CALD1: variants seen among roughly 807,000 people sequenced by gnomAD.
The protein encoded by CALD1 is caldesmon.
A neutral mutation model predicts 99.9 loss-of-function variants in CALD1; 33 were observed. The observed-to-expected ratio is 0.33, with a 90% CI of 0.25 to 0.44. The LOEUF (loss-of-function observed/expected upper bound fraction) is 0.44, where lower values mean the gene tolerates loss of function less well. CALD1 is among the 20% of genes least tolerant of loss of function. The pLI is 1.00. For missense variants in CALD1, 861 were observed against 962.1 expected (o/e 0.89, Z 1.39); for synonymous variants, 310 against 325.0 (o/e 0.95, Z 0.50).
chr7:134,895,327 T>A (rs1274161326), intron 3 of CALD1, among the ~76,000 whole-genome samples: 1 of 151,552 alleles, frequency 6.6e-6, no homozygotes, highest in African/African-American at 2.4e-5. Flanking sequence ...TGTGTGTGTG[T>A]GTGTGTGTGT....
chr7:134,788,348 T>C (rs1563001996), intron 1 of CALD1, among the ~76,000 whole-genome samples: 2 of 152,166 alleles, frequency 1.3e-5, no homozygotes, highest in Admixed American at 6.5e-5. Context: ...GAACTTGAAA[T>C]TGACCATGAT....
Position 134,934,080 on chromosome 7 carries a change from AC to A in CALD1, c.1308+4del, listed in dbSNP as rs1405291256. 6.3e-7 allele frequency: 1 copy of A among 1,599,600 alleles called. No individual in the cohort carries two copies. The highest frequency in any genetic ancestry group is 1.4e-5 in the African/African-American group (1 of 73,650). ...AGACAGCTGTCCTAAAGAAACAGGTACAGTAAACATTTTGCACCAAATGTGT... is the reference window on the plus strand; with the variant it reads ...AGACAGCTGTCCTAAAGAAACAGGTAAGTAAACATTTTGCACCAAATGTGT... On this transcript the variant is annotated splice_donor_region_variant and intron_variant, in intron 5 of 14. Coordinates refer to ENST00000361675, the MANE Select transcript of CALD1 (RefSeq NM_033138.4).
intron 1 of CALD1, among the ~76,000 whole-genome samples, chr7:134,829,408 G>A (rs17168078): frequency 0.11 from 16,034 of 152,232 alleles, 1,541 homozygotes; most frequent in African/African-American, 0.25. Flanking sequence ...TCAGGGTGTT[G>A]CAATTATTTA....
chr7:134,776,827 C>G (rs1796922467), upstream of CALD1, among the ~76,000 whole-genome samples: 1 of 152,024 alleles, frequency 6.6e-6, no homozygotes, highest in Admixed American at 6.6e-5. Context: ...TTACTTTTCC[C>G]AAGTTGACAT....
intron 1 of CALD1, among the ~76,000 whole-genome samples, chr7:134,794,063 T>C (rs1032994219): frequency 1.3e-5 from 2 of 152,154 alleles, no homozygotes; most frequent in Admixed American, 6.5e-5. Flanking sequence ...ATGCAGGACA[T>C]AGTCCCTGCA....
intron 1 of CALD1, among the ~76,000 whole-genome samples, chr7:134,798,088 T>C (rs34183919): frequency 0.046 from 7,045 of 152,314 alleles, 173 homozygotes; most frequent in Non-Finnish European, 0.054. Context: ...CCAACCTTTA[T>C]TTGGATTGTT....
At position 134,969,819 on chromosome 7, in the gene CALD1, T is replaced by A. The variant is rs557094101; in HGVS notation, c.*1474T>A. On this transcript the variant is annotated 3_prime_UTR_variant, in exon 15 of 15. Transcript: ENST00000361675. The stretch of plus-strand genomic sequence containing the variant: ...TTCTTCACAGTAGATAATGAAAGAG[T>A]CCTCCAGTGTCTTGGCAAAATGTTC... 6.6e-6 allele frequency: 1 copy of A among 152,550 alleles called. No homozygotes were observed. The highest frequency in any genetic ancestry group is 2.1e-4 in the South Asian group (1 of 4,818). 9.4% of individuals were successfully genotyped at this position (152,550 alleles called of 1,614,324 possible). A position where few individuals can be genotyped will look rare whatever the true frequency, so the allele number is the denominator to read the frequency against.
At chr7:134,765,798 G>A (rs1358427266) in intron 1 of CALD1, among the ~76,000 whole-genome samples, 3 of 152,098 alleles carry the variant, frequency 2.0e-5, no homozygotes, top group Non-Finnish European at 2.9e-5. Flanking sequence ...TCTCATGAAT[G>A]GTTTAGCACC....
At chr7:134,942,120 T>C (rs1467280311) in intron 7 of CALD1, among the ~76,000 whole-genome samples, 1 of 152,214 alleles carries the variant, frequency 6.6e-6, no homozygotes, top group East Asian at 1.9e-4. Context: ...CACTGGTTGC[T>C]GTGCCAGATG....
chr7:134,859,737 T>C (rs1299790145), intron 2 of CALD1, among the ~76,000 whole-genome samples: 1 of 152,200 alleles, frequency 6.6e-6, no homozygotes, highest in Non-Finnish European at 1.5e-5. Context: ...TTGAAAAATA[T>C]AAAGTGCTCC....
intron 2 of CALD1, among the ~76,000 whole-genome samples, chr7:134,850,400 T>C (rs1311309366): frequency 6.6e-6 from 1 of 152,198 alleles, no homozygotes; most frequent in African/African-American, 2.4e-5. Flanking sequence ...TGCCTGGATG[T>C]AGACCCCAGC....
At chr7:134,918,480 C>T (rs1303242247) in intron 3 of CALD1, among the ~76,000 whole-genome samples, 1 of 152,150 alleles carries the variant, frequency 6.6e-6, no homozygotes, top group Non-Finnish European at 1.5e-5. Flanking sequence ...TAAGGCAACA[C>T]TGAAAAATAT....
intron 9 of CALD1, among the ~76,000 whole-genome samples, chr7:134,951,346 T>TAC (rs1807323822): frequency 6.6e-6 from 1 of 152,252 alleles, no homozygotes; most frequent in South Asian, 2.1e-4. Flanking sequence ...TGCTTTGGCA[T>TAC]ACATTAAAAT....
chr7:134,724,374 G>A, the CALD1 span, among the ~76,000 whole-genome samples: 3 of 152,176 alleles, frequency 2.0e-5, no homozygotes, highest in Admixed American at 6.5e-5. Context: ...TTCAGGGGAA[G>A]CTGAGAGAAA....
upstream of CALD1, among the ~76,000 whole-genome samples, chr7:134,739,905 T>TTTTTTTTTTTTTTTTTTTG (rs1554420363): frequency 6.6e-6 from 1 of 151,368 alleles, no homozygotes; most frequent in East Asian, 1.9e-4. Context: ...ATTTTATTCT[T>TTTTTTTTTTTTTTTTTTTG]AAGTCACCTA....
chr7:134,810,749 T>TCTCAGTCTGAGAATGCTTCCCATC (rs1798321854), intron 1 of CALD1, among the ~76,000 whole-genome samples: 1 of 152,154 alleles, frequency 6.6e-6, no homozygotes, highest in African/African-American at 2.4e-5. Flanking sequence ...GCCTTTGCAT[T>TCTCAGTCTGAGAATGCTTCCCATC]CTCAGTCTGA....
At chr7:134,902,963 A>T (rs1040154487) in intron 3 of CALD1, among the ~76,000 whole-genome samples, 8 of 152,152 alleles carry the variant, frequency 5.3e-5, no homozygotes, top group Non-Finnish European at 1.2e-4. Flanking sequence ...GCACCCAGAC[A>T]ATAGAATATT....
intron 3 of CALD1, among the ~76,000 whole-genome samples, chr7:134,889,167 A>G (rs1192563624): frequency 6.6e-6 from 1 of 152,218 alleles, no homozygotes; most frequent in Non-Finnish European, 1.5e-5. Flanking sequence ...GTACAGTTCT[A>G]TAGGTTAGAT....
chr7:134,739,305 T>G (rs1405595322), upstream of CALD1, among the ~76,000 whole-genome samples: 1 of 152,218 alleles, frequency 6.6e-6, no homozygotes, highest in African/African-American at 2.4e-5. Flanking sequence ...GTTCTGTGAC[T>G]TATCCAAGGT....
Sources: gnomAD v4.1 joint callset for allele counts (sites outside exome capture counted in the v4.1 genomes callset) on GRCh38, gnomAD v4.1.1 for gene constraint, MANE v1.5 for transcripts, NCBI Gene and HGNC (gene_info 2026-07-23, HGNC 2026-07-21) for gene names.